The following DOK6 variants were observed in gnomAD, a reference collection of about 807,000 sequenced individuals.
DOK6 encodes docking protein 6.
A neutral mutation model predicts 44.0 loss-of-function variants in DOK6; 22 were observed. The ratio of observed to expected loss-of-function variants is 0.50; its 90% confidence interval spans 0.36 to 0.71. The LOEUF is 0.71. Among genes scored for constraint, DOK6 ranks in the 30% least tolerant of loss-of-function variants. The pLI, the probability that DOK6 is intolerant of heterozygous loss-of-function variation, is 0.00. For missense variants in DOK6, 340 were observed against 416.4 expected (o/e 0.82, Z 1.60); for synonymous variants, 166 against 145.5 (o/e 1.14, Z -1.01).
intron 6 of DOK6, among the ~76,000 whole-genome samples, chr18:69,741,806 CTT>C (rs1044222539): frequency 3.9e-5 from 6 of 152,098 alleles, no homozygotes; most frequent in African/African-American, 1.4e-4. Flanking sequence ...ACAGAAAACT[CTT>C]ATACAAAAAT....
At chr18:69,795,950 C>T (rs1049123588) in intron 7 of DOK6, among the ~76,000 whole-genome samples, 1 of 152,152 alleles carries the variant, frequency 6.6e-6, no homozygotes, top group African/African-American at 2.4e-5. Flanking sequence ...GAACTGTGAT[C>T]CGAGCTCATC....
At chr18:69,407,036 G>A (rs747002597) in intron 1 of DOK6, among the ~76,000 whole-genome samples, 10 of 152,230 alleles carry the variant, frequency 6.6e-5, no homozygotes, top group Non-Finnish European at 1.0e-4. Context: ...CACTGAGATC[G>A]TGCCACTGCA....
intron 1 of DOK6, among the ~76,000 whole-genome samples, chr18:69,479,363 T>C (rs1168627930): frequency 6.6e-6 from 1 of 152,072 alleles, no homozygotes; most frequent in Non-Finnish European, 1.5e-5. Flanking sequence ...ATACATTTCA[T>C]GGTATGGGCT....
At chr18:69,674,324 G>A (rs1396999813) in intron 3 of DOK6, among the ~76,000 whole-genome samples, 1 of 152,162 alleles carries the variant, frequency 6.6e-6, no homozygotes. Context: ...TAATACTTTT[G>A]AGGTGAAGTT....
intron 6 of DOK6, among the ~76,000 whole-genome samples, chr18:69,751,206 G>T (rs1234744126): frequency 6.6e-6 from 1 of 152,112 alleles, no homozygotes; most frequent in Non-Finnish European, 1.5e-5. Flanking sequence ...AATATAGTTA[G>T]TAATGCTGTA....
intron 2 of DOK6, among the ~76,000 whole-genome samples, chr18:69,578,181 T>C (rs1363878696): frequency 1.3e-5 from 2 of 152,190 alleles, no homozygotes; most frequent in Admixed American, 1.3e-4. Context: ...CTGTCCTTAT[T>C]CCACTTTTTA....
chr18:69,613,856 A>G (rs1212686700), intron 3 of DOK6, among the ~76,000 whole-genome samples: 1 of 151,662 alleles, frequency 6.6e-6, no homozygotes, highest in Non-Finnish European at 1.5e-5. Flanking sequence ...GTAATGGAAT[A>G]TGTATCAATT....
chr18:69,452,625 C>T (rs1979503538), intron 1 of DOK6, among the ~76,000 whole-genome samples: 1 of 144,236 alleles, frequency 6.9e-6, no homozygotes, highest in Non-Finnish European at 1.5e-5. Context: ...GAATTTTAGA[C>T]CAATATCCTT....
chr18:69,534,041 G>A (rs1476474442), intron 1 of DOK6, among the ~76,000 whole-genome samples: 1 of 152,086 alleles, frequency 6.6e-6, no homozygotes, highest in African/African-American at 2.4e-5. Flanking sequence ...TCAGGCACTG[G>A]CACAAAAGTA....
At chr18:69,745,044 A>G (rs1439455090) in intron 6 of DOK6, among the ~76,000 whole-genome samples, 1 of 152,020 alleles carries the variant, frequency 6.6e-6, no homozygotes, top group Non-Finnish European at 1.5e-5. Context: ...AATTTATCTA[A>G]CCAGTGGTGT....
chr18:69,574,838 G>T (rs1983201119), intron 2 of DOK6, among the ~76,000 whole-genome samples: 1 of 151,906 alleles, frequency 6.6e-6, no homozygotes, highest in Non-Finnish European at 1.5e-5. Flanking sequence ...CAATGGATAG[G>T]GTAATACACT....
chr18:69,542,575 T>A (rs1009965226), intron 1 of DOK6, among the ~76,000 whole-genome samples: 1 of 151,502 alleles, frequency 6.6e-6, no homozygotes, highest in Admixed American at 6.6e-5. Flanking sequence ...AGCTGGTACA[T>A]TTTACACAGC....
intron 1 of DOK6, among the ~76,000 whole-genome samples, chr18:69,448,901 A>G (rs1436143032): frequency 2.6e-5 from 4 of 152,236 alleles, no homozygotes; most frequent in Non-Finnish European, 5.9e-5. Flanking sequence ...CAATTGCCAC[A>G]TTTTTCAAAA....
intron 1 of DOK6, among the ~76,000 whole-genome samples, chr18:69,451,166 A>G (rs1979454414): frequency 6.0e-5 from 9 of 149,318 alleles, no homozygotes; most frequent in African/African-American, 2.2e-4. Context: ...CAGGAAACCC[A>G]TCTCACGTGC....
intron 7 of DOK6, among the ~76,000 whole-genome samples, chr18:69,765,548 G>A (rs780757734): frequency 1.2e-4 from 18 of 152,054 alleles, no homozygotes; most frequent in East Asian, 1.9e-4. Context: ...CTGCTTTTCC[G>A]TGCTCCCATA....
intron 3 of DOK6, among the ~76,000 whole-genome samples, chr18:69,676,667 T>C (rs1985929220): frequency 6.6e-6 from 1 of 152,254 alleles, no homozygotes; most frequent in Non-Finnish European, 1.5e-5. Context: ...TACAGTGATA[T>C]TGGAGCTTGG....
chr18:69,782,039 A>C (rs2145090213), intron 7 of DOK6, among the ~76,000 whole-genome samples: 1 of 152,236 alleles, frequency 6.6e-6, no homozygotes, highest in Non-Finnish European at 1.5e-5. Context: ...GTTCTATTAC[A>C]GCCCATGGTT....
chr18:69,658,857 T>C (rs754030833), intron 3 of DOK6, among the ~76,000 whole-genome samples: 2 of 152,198 alleles, frequency 1.3e-5, no homozygotes, highest in Non-Finnish European at 2.9e-5. Context: ...TGGCTGCAGC[T>C]TAGCACAGCT....
At chr18:69,425,453 CT>C (rs1455367047) in intron 1 of DOK6, among the ~76,000 whole-genome samples, 1 of 151,722 alleles carries the variant, frequency 6.6e-6, no homozygotes, top group African/African-American at 2.4e-5. Context: ...CCCTTTTTCC[CT>C]GTTTTTCATT....
Sources: allele counts gnomAD v4.1 joint callset (sites outside exome capture counted in the v4.1 genomes callset), GRCh38; gene constraint gnomAD v4.1.1; transcripts MANE v1.5; gene names NCBI Gene and HGNC (gene_info 2026-07-23, HGNC 2026-07-21).